The following PARD3 variants were observed in gnomAD, a reference collection of about 807,000 sequenced individuals.
PARD3 encodes the protein par-3 family cell polarity regulator, also known as partitioning defective 3 homolog.
PARD3 carries 75 observed loss-of-function variants against 155.4 expected under a neutral mutation model. The observed-to-expected ratio is 0.48, with a 90% CI of 0.40 to 0.58. The LOEUF is 0.58. PARD3 is among the 20% of genes least tolerant of loss of function. The probability of loss-of-function intolerance (pLI) is 0.00; values close to 1 mark genes in which losing one functional copy is unlikely to be tolerated. For synonymous variants in PARD3, 576 were observed against 610.5 expected (o/e 0.94, Z 0.83); for missense variants, 1,642 against 1,721.7 (o/e 0.95, Z 0.82).
At chr10:34,130,046 T>C (rs1457917718) in intron 23 of PARD3, among the ~76,000 whole-genome samples, 4 of 152,112 alleles carry the variant, frequency 2.6e-5, no homozygotes, top group African/African-American at 9.7e-5. Flanking sequence ...CAACACTTTG[T>C]CTGAACTGAA....
intron 7 of PARD3, among the ~76,000 whole-genome samples, chr10:34,390,195 CTG>C (rs972952689): frequency 6.6e-6 from 1 of 152,140 alleles, no homozygotes; most frequent in African/African-American, 2.4e-5. Flanking sequence ...CTCAAATTGA[CTG>C]TAATTCTTCA....
intron 3 of PARD3, among the ~76,000 whole-genome samples, chr10:34,485,329 C>A (rs1453642178): frequency 7.5e-6 from 1 of 134,056 alleles, no homozygotes; most frequent in African/African-American, 3.4e-5. Context: ...CAGAGCAAGA[C>A]TCTGTCTCAA....
At chr10:34,524,534 C>A (rs1194613743) in intron 2 of PARD3, among the ~76,000 whole-genome samples, 1 of 152,170 alleles carries the variant, frequency 6.6e-6, no homozygotes, top group Non-Finnish European at 1.5e-5. Context: ...TTATGTTCAA[C>A]TAATAGCCTT....
chr10:34,622,259 G>C (rs969097821), intron 2 of PARD3, among the ~76,000 whole-genome samples: 1 of 152,096 alleles, frequency 6.6e-6, no homozygotes, highest in Admixed American at 6.5e-5. Flanking sequence ...CTGAAGAAAC[G>C]AATTTGTTCA....
chr10:34,779,452 T>TAA, intron 1 of PARD3, among the ~76,000 whole-genome samples: 1 of 147,924 alleles, frequency 6.8e-6, no homozygotes, highest in Admixed American at 6.8e-5. Context: ...CCACTAAAAA[T>TAA]AAAAAAAAAA....
intron 1 of PARD3, among the ~76,000 whole-genome samples, chr10:34,793,168 T>A (rs1272347051): frequency 6.6e-6 from 1 of 152,108 alleles, no homozygotes; most frequent in Non-Finnish European, 1.5e-5. Flanking sequence ...AAGAGCTTTC[T>A]GAACAAAAAG....
At chr10:34,251,127 C>T (rs1366699153) in intron 22 of PARD3, among the ~76,000 whole-genome samples, 2 of 152,144 alleles carry the variant, frequency 1.3e-5, no homozygotes, top group East Asian at 3.8e-4. Context: ...ATGTCCATAA[C>T]CATGCCCATT....
intron 2 of PARD3, among the ~76,000 whole-genome samples, chr10:34,565,995 A>G (rs1432644320): frequency 1.3e-5 from 2 of 152,222 alleles, no homozygotes; most frequent in Non-Finnish European, 2.9e-5. Flanking sequence ...TGATGATCCA[A>G]CTCAATACAT....
intron 9 of PARD3, among the ~76,000 whole-genome samples, chr10:34,380,052 A>G (rs1464750002): frequency 6.6e-6 from 1 of 152,124 alleles, no homozygotes; most frequent in Admixed American, 6.5e-5. Flanking sequence ...TTTTTAATGT[A>G]CTTCACTAAT....
intron 1 of PARD3, among the ~76,000 whole-genome samples, chr10:34,745,560 C>T (rs1212233709): frequency 1.3e-5 from 2 of 152,108 alleles, no homozygotes; most frequent in Admixed American, 6.5e-5. Flanking sequence ...GAATCTAAGC[C>T]TCCCACTCCA....
chr10:34,323,445 G>A (rs1295816907), intron 19 of PARD3, among the ~76,000 whole-genome samples: 1 of 152,062 alleles, frequency 6.6e-6, no homozygotes, highest in Non-Finnish European at 1.5e-5. Context: ...ACTGTGAGGA[G>A]GTAAAAAAGC....
chr10:34,381,658 A>G (rs1235229908), intron 9 of PARD3, among the ~76,000 whole-genome samples: 1 of 152,106 alleles, frequency 6.6e-6, no homozygotes, highest in Non-Finnish European at 1.5e-5. Context: ...AGGCCTGGAC[A>G]TGGTGGCTCA....
chr10:34,544,853 C>A (rs541709765), intron 2 of PARD3, among the ~76,000 whole-genome samples: 2 of 152,318 alleles, frequency 1.3e-5, no homozygotes, highest in African/African-American at 4.8e-5. Flanking sequence ...CTCATTTACA[C>A]TGGAGCACCT....
chr10:34,160,235 T>A (rs1202091934), intron 22 of PARD3, among the ~76,000 whole-genome samples: 1 of 152,228 alleles, frequency 6.6e-6, no homozygotes, highest in Non-Finnish European at 1.5e-5. Flanking sequence ...CAGGGAATCA[T>A]TAAATCCTAA....
chr10:34,348,124 T>C lies in PARD3; in HGVS notation c.2068-9A>G. ...CTCCCAGGTGACTTCAGCTACAGAG[T>C]AACGGGTATGGGGGCAAAGAAAAAT... On this transcript the variant is annotated splice_polypyrimidine_tract_variant and intron_variant, in intron 14 of 24. Transcript: ENST00000374788. The C allele has an allele frequency of 1.9e-6, 3 of 1,597,872 alleles. No homozygotes were observed. Among genetic ancestry groups the C allele is most frequent in the African/African-American group, 2.7e-5 (2 of 74,472 alleles).
At chr10:34,642,887 T>C (rs2092723016) in intron 2 of PARD3, among the ~76,000 whole-genome samples, 1 of 152,160 alleles carries the variant, frequency 6.6e-6, no homozygotes, top group Non-Finnish European at 1.5e-5. Context: ...CTGATCACTC[T>C]CCAGCAGACC....
At chr10:34,593,258 A>G (rs182007880) in intron 2 of PARD3, among the ~76,000 whole-genome samples, 2 of 152,314 alleles carry the variant, frequency 1.3e-5, no homozygotes, top group Admixed American at 1.3e-4. Flanking sequence ...CTTGAAAATA[A>G]AACATTAGAA....
At chr10:34,197,389 A>G (rs1173967206) in intron 22 of PARD3, among the ~76,000 whole-genome samples, 1 of 152,140 alleles carries the variant, frequency 6.6e-6, no homozygotes, top group Non-Finnish European at 1.5e-5. Context: ...CAGAATGAAC[A>G]CTTAGGACTA....
intron 22 of PARD3, among the ~76,000 whole-genome samples, chr10:34,226,999 A>G (rs1405859653): frequency 6.6e-6 from 1 of 152,246 alleles, no homozygotes; most frequent in Non-Finnish European, 1.5e-5. Context: ...AGCAATTGGA[A>G]CACAAACAAA....
Sources: gnomAD v4.1 joint callset for allele counts (sites outside exome capture counted in the v4.1 genomes callset) on GRCh38, gnomAD v4.1.1 for gene constraint, MANE v1.5 for transcripts, NCBI Gene and HGNC (gene_info 2026-07-23, HGNC 2026-07-21) for gene names.